The following ADAM22 variants were observed in gnomAD, a reference collection of about 807,000 sequenced individuals.
ADAM22 encodes the protein disintegrin and metalloproteinase domain-containing protein 22.
In ADAM22, 65 loss-of-function variants were observed where a neutral mutation model predicts 144.6. The observed-to-expected ratio is 0.45, with a 90% confidence interval of 0.37 to 0.55. The LOEUF (loss-of-function observed/expected upper bound fraction) is 0.55. Ranked by LOEUF, ADAM22 falls within the 20% of genes least tolerant of loss-of-function variation. The pLI, the probability that ADAM22 is intolerant of heterozygous loss-of-function variation, is 0.00. For synonymous variants in ADAM22, 391 were observed against 412.6 expected (o/e 0.95, Z 0.63); for missense variants, 974 against 1,184.9 (o/e 0.82, Z 2.61).
chr7:87,936,982 G>T (rs1841385149), intron 2 of ADAM22, among the ~76,000 whole-genome samples: 1 of 151,932 alleles, frequency 6.6e-6, no homozygotes, highest in Non-Finnish European at 1.5e-5. Context: ...TTGTGACAGG[G>T]TCTCACTCTG....
chr7:88,171,429 G>A (rs1844280390), intron 25 of ADAM22, 115 bp from the exon 26 acceptor site: 1 of 898,914 alleles, frequency 1.1e-6, no homozygotes, highest in African/African-American at 1.8e-5. Flanking sequence ...GAATCCTCTA[G>A]TGAAGACTTT....
chr7:88,092,234 A>G (rs1276913071), intron 4 of ADAM22, among the ~76,000 whole-genome samples: 3 of 152,166 alleles, frequency 2.0e-5, no homozygotes, highest in Non-Finnish European at 2.9e-5. Flanking sequence ...CCAAGAGACT[A>G]GAAGATATTT....
At chr7:88,083,774 T>G (rs771249113) in intron 4 of ADAM22, among the ~76,000 whole-genome samples, 1 of 152,298 alleles carries the variant, frequency 6.6e-6, no homozygotes, top group African/African-American at 2.4e-5. Context: ...TAATTATGCC[T>G]GTCTCTCCAG....
At chr7:87,942,428 G>A (rs899636519) in intron 2 of ADAM22, among the ~76,000 whole-genome samples, 6 of 152,070 alleles carry the variant, frequency 3.9e-5, no homozygotes, top group South Asian at 2.1e-4. Flanking sequence ...CAGCTCCACC[G>A]CACTGCCTAT....
At chr7:87,990,312 A>G (rs1789495471) in intron 3 of ADAM22, among the ~76,000 whole-genome samples, 1 of 152,200 alleles carries the variant, frequency 6.6e-6, no homozygotes, top group African/African-American at 2.4e-5. Context: ...ATAATTGTAG[A>G]TCATTTTTCT....
At chr7:88,097,533 TA>T (rs1240301638) in intron 4 of ADAM22, among the ~76,000 whole-genome samples, 13 of 151,788 alleles carry the variant, frequency 8.6e-5, no homozygotes, top group Middle Eastern at 3.4e-3. Flanking sequence ...GAAGTGAAAC[TA>T]AAGGAGGTTA....
intron 7 of ADAM22, 115 bp downstream of exon 7, chr7:88,116,929 T>C: frequency 1.3e-6 from 1 of 741,148 alleles, no homozygotes; most frequent in Non-Finnish European, 2.1e-6. Context: ...TTTTGACATT[T>C]TTAGAGGGAG....
At chr7:88,137,501 A>G (rs904698281) in intron 14 of ADAM22, among the ~76,000 whole-genome samples, 1 of 152,184 alleles carries the variant, frequency 6.6e-6, no homozygotes, top group African/African-American at 2.4e-5. Flanking sequence ...CTTGCTCACC[A>G]TAATTGTACA....
At chr7:88,018,732 G>C (rs1019305666) in intron 3 of ADAM22, among the ~76,000 whole-genome samples, 1 of 152,180 alleles carries the variant, frequency 6.6e-6, no homozygotes, top group Non-Finnish European at 1.5e-5. Context: ...GCACACAAAA[G>C]TGAGAACATG....
In ADAM22 at chr7:88,130,478, C is replaced by T; in HGVS notation, c.825+19C>T. Reference sequence around the variant, plus strand: ...AGATTTAGTAAGTATCAACCCCGTTCATTATTGCCCTAGAAGATTCTTATT... The same window carrying T: ...AGATTTAGTAAGTATCAACCCCGTTTATTATTGCCCTAGAAGATTCTTATT... On this transcript the variant is annotated intron_variant, in intron 10 of 31. Transcript: ENST00000413139. The T allele has an allele frequency of 8.1e-6, 13 of 1,598,978 alleles. No individual in the cohort carries two copies. Among genetic ancestry groups the T allele is most frequent in the Non-Finnish European group, 1.1e-5 (13 of 1,168,328 alleles).
At chr7:88,116,269 T>A (rs910151936) in intron 6 of ADAM22, among the ~76,000 whole-genome samples, 4 of 152,198 alleles carry the variant, frequency 2.6e-5, no homozygotes, top group Non-Finnish European at 4.4e-5. Context: ...TGCTTTTTCA[T>A]ATAGCTTGTA....
At chr7:88,046,575 T>C (rs568602568) in intron 3 of ADAM22, among the ~76,000 whole-genome samples, 1 of 152,332 alleles carries the variant, frequency 6.6e-6, no homozygotes, top group African/African-American at 2.4e-5. Flanking sequence ...TTTGGTATTA[T>C]GCTATTTGTT....
intron 14 of ADAM22, among the ~76,000 whole-genome samples, chr7:88,141,970 C>A (rs1370663253): frequency 2.0e-5 from 3 of 151,994 alleles, no homozygotes; most frequent in Non-Finnish European, 4.4e-5. Context: ...ATTCTTAATG[C>A]ATGTTGCCAA....
chr7:88,026,220 A>T (rs1798990117), intron 3 of ADAM22, among the ~76,000 whole-genome samples: 1 of 152,218 alleles, frequency 6.6e-6, no homozygotes, highest in African/African-American at 2.4e-5. Context: ...CACAAACTGT[A>T]CAGAAGCATG....
In ADAM22 at chr7:87,934,345, C is replaced by A; in HGVS notation, c.-121C>A. The A allele has an allele frequency of 1.1e-6, 1 of 875,650 alleles. No individual in the cohort carries two copies. Among genetic ancestry groups the A allele is most frequent in the Non-Finnish European group, 1.7e-6 (1 of 598,778 alleles). 54.2% of individuals were successfully genotyped at this position (875,650 alleles called of 1,614,324 possible). ...TGCAGCGCCACGGCCGCCGCAGCAC[C>A]GGCCGGGGCTGGGTGGAGGTGGCCG... On this transcript the variant is annotated 5_prime_UTR_variant, in exon 1 of 32. Transcript: ENST00000413139.
Position 88,200,777 on chromosome 7 carries a change from C to T in ADAM22, c.*4286C>T, listed in dbSNP as rs1352354992. The T allele has an allele frequency of 2.0e-5, 3 of 152,174 alleles. No individual in the cohort carries two copies. The highest frequency in any genetic ancestry group is 4.4e-5 in the Non-Finnish European group (3 of 68,056). 9.4% of individuals were successfully genotyped at this position (152,174 alleles called of 1,614,324 possible). On this transcript the variant is annotated 3_prime_UTR_variant, in exon 32 of 32. Coordinates refer to ENST00000413139, the MANE Select transcript of ADAM22 (RefSeq NM_001324418.2). ...TGGGGCTCAAATGTTTTGTTTTCCT[C>T]CTGAGATGTTTTTGAATGGATAAGA...
At chr7:88,140,917 A>G (rs191031983) in intron 14 of ADAM22, among the ~76,000 whole-genome samples, 4 of 152,250 alleles carry the variant, frequency 2.6e-5, no homozygotes, top group Non-Finnish European at 5.9e-5. Flanking sequence ...TATTCACTAG[A>G]CGAGTGTCTT....
chr7:87,939,836 C>A (rs1842108723), intron 2 of ADAM22, among the ~76,000 whole-genome samples: 1 of 152,042 alleles, frequency 6.6e-6, no homozygotes, highest in South Asian at 2.1e-4. Flanking sequence ...TCAAATAGTC[C>A]TAGAGATAGA....
At chr7:87,940,783 A>G (rs1017809876) in intron 2 of ADAM22, among the ~76,000 whole-genome samples, 8 of 152,322 alleles carry the variant, frequency 5.3e-5, no homozygotes, top group Admixed American at 3.9e-4. Context: ...AGAATATTCA[A>G]AATATTGAGA....
Sources: gnomAD v4.1 joint callset for allele counts (sites outside exome capture counted in the v4.1 genomes callset) on GRCh38, gnomAD v4.1.1 for gene constraint, MANE v1.5 for transcripts, NCBI Gene and HGNC (gene_info 2026-07-23, HGNC 2026-07-21) for gene names.